The following TBCA variants were observed in gnomAD, a reference collection of about 807,000 sequenced individuals.
The protein encoded by TBCA is tubulin-specific chaperone A.
A neutral mutation model predicts 15.8 loss-of-function variants in TBCA; 6 were observed. That is an observed-to-expected ratio of 0.38 (90% confidence interval 0.21 to 0.75). The LOEUF is 0.75. Among genes scored for constraint, TBCA ranks in the 30% least tolerant of loss-of-function variants. The pLI is 0.46. For synonymous variants in TBCA, 32 were observed against 42.3 expected (o/e 0.76, Z 0.94); for missense variants, 90 against 131.2 (o/e 0.69, Z 1.53).
chr5:77,770,746 A>C (rs1020307491), intron 1 of TBCA, among the ~76,000 whole-genome samples: 2 of 152,060 alleles, frequency 1.3e-5, no homozygotes, highest in African/African-American at 2.4e-5. Flanking sequence ...AAAGAAAAAA[A>C]ACAAAGAGCC....
At chr5:77,748,015 CTT>C (rs763506825) in intron 1 of TBCA, among the ~76,000 whole-genome samples, 3 of 152,216 alleles carry the variant, frequency 2.0e-5, no homozygotes, top group Non-Finnish European at 2.9e-5. Flanking sequence ...TGCAAAGCCT[CTT>C]GAGATCACTA....
chr5:77,702,841 T>C (rs1008521721), intron 2 of TBCA, among the ~76,000 whole-genome samples: 2 of 152,182 alleles, frequency 1.3e-5, no homozygotes, highest in Non-Finnish European at 2.9e-5. Context: ...AGCCTGCATA[T>C]AGGTACCAAG....
At chr5:77,766,263 A>T (rs2112514382) in intron 1 of TBCA, among the ~76,000 whole-genome samples, 1 of 152,308 alleles carries the variant, frequency 6.6e-6, no homozygotes, top group East Asian at 1.9e-4. Context: ...GGTAAACTAC[A>T]AAAACTTTTT....
intron 1 of TBCA, among the ~76,000 whole-genome samples, chr5:77,760,099 T>C (rs890305883): frequency 6.6e-6 from 1 of 152,046 alleles, no homozygotes; most frequent in Non-Finnish European, 1.5e-5. Flanking sequence ...TGGACAAGAG[T>C]TGAGAGAAGA....
At chr5:77,748,510 T>TAGAGAATATAGTTCTCTAAGTTTCAC (rs1351493006) in intron 1 of TBCA, among the ~76,000 whole-genome samples, 1 of 151,806 alleles carries the variant, frequency 6.6e-6, no homozygotes, top group East Asian at 1.9e-4. Flanking sequence ...ATTTTCTCCT[T>TAGAGAATATAGTTCTCTAAGTTTCAC]TTAGAACTAT....
At chr5:77,746,472 T>C (rs1174972486) in intron 1 of TBCA, among the ~76,000 whole-genome samples, 1 of 152,266 alleles carries the variant, frequency 6.6e-6, no homozygotes, top group East Asian at 1.9e-4. Flanking sequence ...TTGATCTTAA[T>C]CAAAAGACTA....
rs187697460 is a variant in TBCA, at chr5:77,714,651, C to T, written c.54-6304G>A. 6.4e-3 allele frequency among the ~76,000 whole-genome samples: 967 copies of T among 151,576 alleles called. 13 individuals are homozygous for T. The highest frequency in any genetic ancestry group is 0.023 in the African/African-American group (932 of 41,328). On this transcript the variant is annotated intron_variant, in intron 1 of 3. Coordinates refer to ENST00000380377, the MANE Select transcript of TBCA (RefSeq NM_004607.3). ...GCGCAATCTCAGCCTACTGCAAGCT[C>T]CGCCTCCCAGGTTCATGCCATTCTC...
chr5:77,704,318 G>C (rs1036779324), intron 2 of TBCA, among the ~76,000 whole-genome samples: 1 of 152,146 alleles, frequency 6.6e-6, no homozygotes, highest in African/African-American at 2.4e-5. Flanking sequence ...CCAACAGAGG[G>C]ACTGTCCCCT....
At chr5:77,735,211 G>A (rs1325554951) in intron 1 of TBCA, among the ~76,000 whole-genome samples, 2 of 151,952 alleles carry the variant, frequency 1.3e-5, no homozygotes, top group Non-Finnish European at 2.9e-5. Flanking sequence ...AAATACAAAG[G>A]ATCACAACAT....
rs1746373115 is a variant in TBCA at position 77,715,332 on chromosome 5, C to T, written c.54-6985G>A. 4 of 700,838 alleles carry T rather than the reference C, an allele frequency of 5.7e-6. No individual in the cohort carries two copies. In the Admixed American group the frequency reaches 8.1e-5, roughly 14 times the overall value. 43.4% of individuals were successfully genotyped at this position (700,838 alleles called of 1,614,324 possible). A position where few individuals can be genotyped will look rare whatever the true frequency, so the allele number is the denominator to read the frequency against. On this transcript the variant is annotated intron_variant, in intron 1 of 3. Transcript: ENST00000380377. Reference sequence around the variant, plus strand: ...CATAATCCCTAACAAAGGAAAAATACATCCCAAGGTTAACACTGTGCTATA... The same window carrying T: ...CATAATCCCTAACAAAGGAAAAATATATCCCAAGGTTAACACTGTGCTATA...
At chr5:77,731,350 T>C (rs974070295) in intron 1 of TBCA, among the ~76,000 whole-genome samples, 3 of 152,212 alleles carry the variant, frequency 2.0e-5, no homozygotes, top group Admixed American at 1.3e-4. Context: ...GGTTCAAAGT[T>C]ACTTAACCTC....
intron 2 of TBCA, among the ~76,000 whole-genome samples, chr5:77,696,539 T>C (rs921202272): frequency 2.6e-5 from 4 of 152,158 alleles, no homozygotes; most frequent in Non-Finnish European, 4.4e-5. Context: ...TTGGACCCAA[T>C]AACATGCTGT....
chr5:77,714,529 A>G (rs1280593141), intron 1 of TBCA, among the ~76,000 whole-genome samples: 1 of 152,022 alleles, frequency 6.6e-6, no homozygotes, highest in African/African-American at 2.4e-5. Context: ...AAGGTGGAGA[A>G]GAAAATTCAT....
At chr5:77,749,949 A>G (rs1184574937) in intron 1 of TBCA, among the ~76,000 whole-genome samples, 1 of 152,190 alleles carries the variant, frequency 6.6e-6, no homozygotes, top group Non-Finnish European at 1.5e-5. Context: ...AAAGTATACT[A>G]CCATTTGCAT....
chr5:77,775,355 C>T (rs1209928616), intron 1 of TBCA, among the ~76,000 whole-genome samples: 5 of 152,160 alleles, frequency 3.3e-5, no homozygotes, highest in South Asian at 4.1e-4. Context: ...GACCTGGATG[C>T]CCCCCAACCT....
chr5:77,722,339 T>C (rs1472721866), intron 1 of TBCA, among the ~76,000 whole-genome samples: 2 of 152,108 alleles, frequency 1.3e-5, no homozygotes, highest in African/African-American at 4.8e-5. Context: ...CATGTAAATA[T>C]AACCAAACTG....
At chr5:77,696,168 T>C (rs1745867206) in intron 2 of TBCA, among the ~76,000 whole-genome samples, 1 of 152,172 alleles carries the variant, frequency 6.6e-6, no homozygotes. Context: ...ATCCAGATCA[T>C]CCATCAGAAG....
At chr5:77,762,566 G>A (rs1747667144) in intron 1 of TBCA, among the ~76,000 whole-genome samples, 1 of 152,172 alleles carries the variant, frequency 6.6e-6, no homozygotes, top group Non-Finnish European at 1.5e-5. Flanking sequence ...CTTTAGAAAT[G>A]CTATGCCAAA....
At chr5:77,757,297 A>G (rs1747497901) in intron 1 of TBCA, among the ~76,000 whole-genome samples, 1 of 152,122 alleles carries the variant, frequency 6.6e-6, no homozygotes, top group African/African-American at 2.4e-5. Flanking sequence ...AAAAACCCCA[A>G]TTCAGCTACT....
Sources: gnomAD v4.1 joint callset for allele counts (sites outside exome capture counted in the v4.1 genomes callset) on GRCh38, gnomAD v4.1.1 for gene constraint, MANE v1.5 for transcripts, NCBI Gene and HGNC (gene_info 2026-07-23, HGNC 2026-07-21) for gene names.